The following LHFPL6 variants were observed in gnomAD, a reference collection of about 807,000 sequenced individuals.
LHFPL6 encodes LHFPL tetraspan subfamily member 6 protein.
In LHFPL6, 9 loss-of-function variants were observed where a neutral mutation model predicts 20.6. That is an observed-to-expected ratio of 0.44 (90% CI 0.26 to 0.76). The LOEUF is 0.76. Ranked by LOEUF, LHFPL6 falls within the 30% of genes least tolerant of loss-of-function variation. The pLI is 0.20. For missense variants in LHFPL6, 218 were observed against 253.5 expected, an observed-to-expected ratio of 0.86 and a Z score of 0.95; for synonymous variants, 105 against 98.7, an observed-to-expected ratio of 1.06 and a Z score of -0.38.
intron 2 of LHFPL6, among the ~76,000 whole-genome samples, chr13:39,549,665 T>C (rs1037004003): frequency 7.2e-5 from 11 of 152,048 alleles, no homozygotes; most frequent in African/African-American, 2.7e-4. Flanking sequence ...TCCTAGTCAT[T>C]TACCCAGGAG....
At chr13:39,484,232 T>C (rs1006004169) in intron 2 of LHFPL6, among the ~76,000 whole-genome samples, 9 of 152,136 alleles carry the variant, frequency 5.9e-5, no homozygotes, top group South Asian at 2.1e-4. Flanking sequence ...GAATGAACTT[T>C]TGATTCCCCA....
In LHFPL6 at chr13:39,505,637, A is replaced by G. The variant is rs1593339749; in HGVS notation, c.385+95195T>C. Among the ~76,000 whole-genome samples the G allele has an allele frequency of 2.0e-5, 3 of 152,192 alleles. No homozygotes were observed. The East Asian group carries it at 5.8e-4, about 29-fold the overall frequency. ...CTAAAAGAAGGATGAATTTTCTGAT[A>G]TAACTATCCAGTAACAGTGAGGTAG... is the stretch of plus-strand genomic sequence containing the variant. On this transcript the variant is annotated intron_variant, in intron 2 of 3. Coordinates refer to ENST00000379589, the MANE Select transcript of LHFPL6 (RefSeq NM_005780.3).
At chr13:39,519,348 G>T (rs145299417) in intron 2 of LHFPL6, among the ~76,000 whole-genome samples, 1 of 152,258 alleles carries the variant, frequency 6.6e-6, no homozygotes, top group African/African-American at 2.4e-5. Context: ...CCACCTATTT[G>T]ACTTAAATTT....
intron 2 of LHFPL6, among the ~76,000 whole-genome samples, chr13:39,420,047 G>A (rs144919233): frequency 2.6e-5 from 4 of 152,268 alleles, no homozygotes; most frequent in African/African-American, 9.6e-5. Context: ...CACCAGCTGT[G>A]TTTGCACCTG....
At position 39,600,995 on chromosome 13, in the gene LHFPL6, G is replaced by A. The variant is rs1273368147; in HGVS notation, c.222C>T (p.Phe74=). The change falls in exon 2 of 4, where the codon TTC becomes TTT. Residue 74 remains phenylalanine, a synonymous_variant. Coordinates refer to ENST00000379589, the MANE Select transcript of LHFPL6 (RefSeq NM_005780.3). Reference sequence around the variant, plus strand: ...TCCATTCTGCGCTGGGGATGCCCTGGAAGGAGGCATAGCGCCCACATTCCT... The same window carrying A: ...TCCATTCTGCGCTGGGGATGCCCTGAAAGGAGGCATAGCGCCCACATTCCT... ...MVEECGRYAS[F]QGIPSAEWRI... is the part of the protein sequence containing the mutation. The A allele has an allele frequency of 2.5e-6, 4 of 1,613,872 alleles. No homozygotes were observed. The Admixed American group carries it at 6.7e-5, about 27-fold the overall frequency.
intron 2 of LHFPL6, among the ~76,000 whole-genome samples, chr13:39,444,767 C>T (rs976894270): frequency 6.6e-6 from 1 of 152,198 alleles, no homozygotes; most frequent in African/African-American, 2.4e-5. Flanking sequence ...TACAGACAGT[C>T]GGGGGCTCAG....
At chr13:39,599,218 A>T (rs1183860983) in intron 2 of LHFPL6, among the ~76,000 whole-genome samples, 1 of 152,238 alleles carries the variant, frequency 6.6e-6, no homozygotes, top group Non-Finnish European at 1.5e-5. Flanking sequence ...GAAAAATGGA[A>T]AGCAATATTT....
chr13:39,505,307 G>C (rs1243805428), intron 2 of LHFPL6, among the ~76,000 whole-genome samples: 1 of 152,138 alleles, frequency 6.6e-6, no homozygotes, highest in Non-Finnish European at 1.5e-5. Context: ...GTTGTCAGTA[G>C]AATCTCAGTG....
At chr13:39,578,198 T>C (rs759323023) in intron 2 of LHFPL6, among the ~76,000 whole-genome samples, 11 of 152,138 alleles carry the variant, frequency 7.2e-5, no homozygotes, top group African/African-American at 1.4e-4. Flanking sequence ...TTAGTTGTTA[T>C]CTAAAGTAAA....
At chr13:39,546,709 A>C (rs1483972635) in intron 2 of LHFPL6, among the ~76,000 whole-genome samples, 1 of 152,076 alleles carries the variant, frequency 6.6e-6, no homozygotes, top group East Asian at 1.9e-4. Flanking sequence ...TATGGCAGCC[A>C]ATCAACCACC....
intron 2 of LHFPL6, among the ~76,000 whole-genome samples, chr13:39,397,597 A>G (rs1870876270): frequency 6.6e-6 from 1 of 152,212 alleles, no homozygotes; most frequent in South Asian, 2.1e-4. Flanking sequence ...TTCCTCTGGC[A>G]TCTCAGGGTT....
chr13:39,389,192 C>T (rs1337123560), intron 2 of LHFPL6, among the ~76,000 whole-genome samples: 1 of 152,100 alleles, frequency 6.6e-6, no homozygotes, highest in African/African-American at 2.4e-5. Flanking sequence ...CATTGTTTGT[C>T]ATGCTAATTA....
Position 39,393,348 on chromosome 13 carries a change from A to G in LHFPL6, c.386-14822T>C, listed in dbSNP as rs187590647. ...TTTTACTCTGGCATCTGAGAGGAAGAATAATGCAGAAACAACCCAAAGACA... is the reference window on the plus strand; with the variant it reads ...TTTTACTCTGGCATCTGAGAGGAAGGATAATGCAGAAACAACCCAAAGACA... On this transcript the variant is annotated intron_variant, in intron 2 of 3. Coordinates refer to ENST00000379589, the MANE Select transcript of LHFPL6 (RefSeq NM_005780.3). Among the ~76,000 whole-genome samples the G allele has an allele frequency of 1.1e-3, 167 of 152,342 alleles. 1 individual carries two copies. Among genetic ancestry groups the G allele is most frequent in the Middle Eastern group, 3.4e-3 (1 of 294 alleles).
At chr13:39,508,875 G>C (rs113355770) in intron 2 of LHFPL6, among the ~76,000 whole-genome samples, 1 of 152,070 alleles carries the variant, frequency 6.6e-6, no homozygotes, top group African/African-American at 2.4e-5. Flanking sequence ...GGACTGGCTC[G>C]GGTAATACAG....
At chr13:39,517,745 T>A (rs1438980378) in intron 2 of LHFPL6, among the ~76,000 whole-genome samples, 3 of 152,188 alleles carry the variant, frequency 2.0e-5, no homozygotes, top group African/African-American at 7.2e-5. Flanking sequence ...CCAAGGCTGG[T>A]CTTGAACTCC....
chr13:39,371,281 C>G (rs943848953), intron 3 of LHFPL6, among the ~76,000 whole-genome samples: 1 of 152,198 alleles, frequency 6.6e-6, no homozygotes, highest in African/African-American at 2.4e-5. Context: ...TTAATTGAAA[C>G]ACTACTTTTG....
At chr13:39,380,062 C>T (rs1388967408) in intron 2 of LHFPL6, among the ~76,000 whole-genome samples, 1 of 152,186 alleles carries the variant, frequency 6.6e-6, no homozygotes, top group Non-Finnish European at 1.5e-5. Flanking sequence ...ATAGAATGTA[C>T]AGCATTCTAA....
intron 2 of LHFPL6, among the ~76,000 whole-genome samples, chr13:39,477,491 AAT>A (rs1241114223): frequency 4.6e-5 from 7 of 152,294 alleles, no homozygotes; most frequent in African/African-American, 1.7e-4. Context: ...TTGTCCCAGG[AAT>A]ATCTGTAAAG....
intron 3 of LHFPL6, among the ~76,000 whole-genome samples, chr13:39,363,852 C>A (rs1869942937): frequency 6.6e-6 from 1 of 152,132 alleles, no homozygotes; most frequent in South Asian, 2.1e-4. Context: ...GGGAAAAAAA[C>A]AAATTTTTCA....
Sources: gnomAD v4.1 joint callset for allele counts (sites outside exome capture counted in the v4.1 genomes callset) on GRCh38, gnomAD v4.1.1 for gene constraint, MANE v1.5 for transcripts, NCBI Gene and HGNC (gene_info 2026-07-23, HGNC 2026-07-21) for gene names.